Variants in SECISBP2 observed in about 807,000 individuals in gnomAD.
The protein encoded by SECISBP2 is selenocysteine insertion sequence-binding protein 2.
Under a neutral mutation model 98.2 loss-of-function variants are expected in SECISBP2, and 96 were observed. That is an observed-to-expected ratio of 0.98 (90% confidence interval 0.83 to 1.16). The LOEUF is 1.16. Among genes scored for constraint, SECISBP2 ranks in the 50% most tolerant of loss-of-function variants. SECISBP2 has a pLI of 0.00. For missense variants in SECISBP2, 1,046 were observed against 1,022.9 expected (o/e 1.02, Z -0.31); for synonymous variants, 407 against 370.2 (o/e 1.10, Z -1.14).
downstream of SECISBP2, chr9:89,364,346 G>T (rs1339532117): frequency 2.3e-5 from 7 of 306,610 alleles, no homozygotes; most frequent in South Asian, 1.6e-4. Context: ...GACATCCCAA[G>T]GCTCTGCCAT....
chr9:89,332,305 C>T (rs1827886518), intron 5 of SECISBP2, among the ~76,000 whole-genome samples: 1 of 152,126 alleles, frequency 6.6e-6, no homozygotes, highest in Non-Finnish European at 1.5e-5. Context: ...CAATTGATGA[C>T]CTGCATTGAC....
At chr9:89,357,927 C>A in intron 15 of SECISBP2, 72 bp from the exon 16 acceptor site, 1 of 1,503,074 alleles carries the variant, frequency 6.7e-7, no homozygotes, top group Non-Finnish European at 9.2e-7. Context: ...TGGAGGTGGC[C>A]ATTGCTGAGT....
At chr9:89,350,608 CCTG>C in intron 13 of SECISBP2, 21 bp from the exon 14 acceptor site, 1 of 1,605,954 alleles carries the variant, frequency 6.2e-7, no homozygotes. Context: ...TGGCACAATT[CCTG>C]ATGTCTGATG....
chr9:89,361,473 G>A (rs1295547102), downstream of SECISBP2: 1 of 151,938 alleles, frequency 6.6e-6, no homozygotes, highest in South Asian at 2.1e-4. Flanking sequence ...GAAGAGACGT[G>A]TGTGTAAGAT....
chr9:89,365,715 G>A, the SECISBP2 span: 1 of 152,302 alleles, frequency 6.6e-6, no homozygotes, highest in Non-Finnish European at 1.5e-5. Flanking sequence ...GTTCTCAGGT[G>A]TAGGGGCAGA....
In SECISBP2 at chr9:89,358,150, A is replaced by T; in HGVS notation, c.2420A>T (p.Asp807Val). 6.2e-7 allele frequency: 1 copy of T among 1,613,778 alleles called. No individual in the cohort carries two copies. Among genetic ancestry groups the T allele is most frequent in the South Asian group, 1.1e-5 (1 of 91,006 alleles). The change falls in exon 16 of 17, where the codon GAT becomes GTT. Residue 807 changes from aspartate to valine, a missense_variant. By Grantham distance (152) the Asp-to-Val change is radical (BLOSUM62 -3). Coordinates refer to ENST00000375807, the MANE Select transcript of SECISBP2 (RefSeq NM_024077.5). ...PTQGPSCPAE[D>V]GPPALKEKEE... The stretch of plus-strand genomic sequence containing the variant: ...CAGGGCCCCAGCTGCCCTGCAGAAG[A>T]TGGCCCCCCAGCCCTGAAAGAAAAA...
At chr9:89,318,833 C>A in intron 1 of SECISBP2, 2 of 1,270,558 alleles carry the variant, frequency 1.6e-6, no homozygotes, top group Non-Finnish European at 2.0e-6. Flanking sequence ...GTTAGCGCCG[C>A]GTCTGTGGTG....
intron 5 of SECISBP2, among the ~76,000 whole-genome samples, chr9:89,330,864 C>T (rs913683345): frequency 1.3e-5 from 2 of 152,142 alleles, no homozygotes; most frequent in African/African-American, 4.8e-5. Flanking sequence ...GTGGAGTGAG[C>T]AGGAGTGTGA....
At chr9:89,351,126 T>G (rs1424972863) in intron 14 of SECISBP2, among the ~76,000 whole-genome samples, 1 of 152,208 alleles carries the variant, frequency 6.6e-6, no homozygotes, top group African/African-American at 2.4e-5. Context: ...CCTGCCTCTG[T>G]TGTGCAGGCC....
chr9:89,325,901 A>C lies in SECISBP2; in HGVS notation c.437A>C (p.Lys146Thr), dbSNP rs1334622618. 6.2e-7 allele frequency: 1 copy of C among 1,613,978 alleles called. No homozygotes were observed. The highest frequency in any genetic ancestry group is 1.1e-5 in the South Asian group (1 of 91,080). The change falls in exon 4 of 17, where the codon AAA becomes ACA. Residue 146 changes from lysine (K) to threonine (T), a missense_variant. Lys to Thr is a moderately conservative substitution (Grantham distance 78). Transcript: ENST00000375807. ...GCTTTTTAATCTTTCCTGCAGAAGAAAACCTATGATGAGAAAAAAACGTAT... is the reference window on the plus strand; with the variant it reads ...GCTTTTTAATCTTTCCTGCAGAAGACAACCTATGATGAGAAAAAAACGTAT... ...PQEMKALFKK[K>T]TYDEKKTYDQ...
At chr9:89,330,777 G>A (rs567132657) in intron 5 of SECISBP2, among the ~76,000 whole-genome samples, 7 of 152,318 alleles carry the variant, frequency 4.6e-5, no homozygotes, top group South Asian at 2.1e-4. Context: ...CGGCGCTGCC[G>A]GTCTTCATCA....
chr9:89,320,630 G>C (rs1043674032), intron 2 of SECISBP2, among the ~76,000 whole-genome samples: 3 of 152,178 alleles, frequency 2.0e-5, no homozygotes, highest in African/African-American at 7.2e-5. Context: ...TTAATATGGA[G>C]ATGAATTTTA....
At chr9:89,353,116 C>G (rs1009918802) in intron 14 of SECISBP2, among the ~76,000 whole-genome samples, 1 of 152,152 alleles carries the variant, frequency 6.6e-6, no homozygotes, top group African/African-American at 2.4e-5. Context: ...AAAACTGTAG[C>G]CAGCATCAGA....
At chr9:89,357,648 G>C in intron 15 of SECISBP2, 83 bp downstream of exon 15, 1 of 1,538,056 alleles carries the variant, frequency 6.5e-7, no homozygotes, top group Non-Finnish European at 9.0e-7. Flanking sequence ...CTCACCCACA[G>C]AGCAGCCCCA....
At chr9:89,365,934 T>C in the SECISBP2 span, among the ~76,000 whole-genome samples, 1 of 152,214 alleles carries the variant, frequency 6.6e-6, no homozygotes, top group Non-Finnish European at 1.5e-5. Context: ...TCCGGTCTCT[T>C]GGTCAACAAT....
intron 12 of SECISBP2, 90 bp from the exon 13 acceptor site, chr9:89,349,686 G>A (rs1256369824): frequency 1.5e-6 from 2 of 1,355,478 alleles, no homozygotes; most frequent in African/African-American, 2.9e-5. Context: ...GCAGGGGTCT[G>A]GTTGCATCGG....
chr9:89,320,719 C>A lies in SECISBP2; in HGVS notation c.182+922C>A, dbSNP rs897789540. ...TTCCTTACATTTTCTTTTTCCTTCTCAGGATTCATTCTCTAGGTTTACAAA... is the reference window on the plus strand; with the variant it reads ...TTCCTTACATTTTCTTTTTCCTTCTAAGGATTCATTCTCTAGGTTTACAAA... On this transcript the variant is annotated intron_variant, in intron 2 of 16. Transcript: ENST00000375807. 3.3e-5 allele frequency among the ~76,000 whole-genome samples: 5 copies of A among 152,296 alleles called. No homozygotes were observed. The East Asian group carries it at 7.7e-4, about 23-fold the overall frequency.
intron 6 of SECISBP2, chr9:89,334,144 G>C: frequency 1.7e-6 from 2 of 1,153,762 alleles, no homozygotes; most frequent in Non-Finnish European, 2.2e-6. Flanking sequence ...GATGTTAAAG[G>C]TACACTTCAA....
chr9:89,355,118 G>T (rs1201991670), intron 14 of SECISBP2: 1 of 985,470 alleles, frequency 1.0e-6, no homozygotes, highest in Non-Finnish European at 1.2e-6. Flanking sequence ...ACTAGATGCA[G>T]AATGAGTTCC....
Sources: allele counts gnomAD v4.1 joint callset (sites outside exome capture counted in the v4.1 genomes callset), GRCh38; gene constraint gnomAD v4.1.1; transcripts MANE v1.5; gene names NCBI Gene and HGNC (gene_info 2026-07-23, HGNC 2026-07-21).